The following ADGRG3 variants were observed in gnomAD, a reference collection of about 807,000 sequenced individuals.
ADGRG3 encodes the protein G protein-coupled receptor 97.
A neutral mutation model predicts 54.3 loss-of-function variants in ADGRG3; 39 were observed. The ratio of observed to expected loss-of-function variants is 0.72; its 90% confidence interval spans 0.56 to 0.94. The LOEUF is 0.94. Ranked by LOEUF, ADGRG3 falls within the 40% of genes least tolerant of loss-of-function variation. The pLI is 0.00. For missense variants in ADGRG3, 654 were observed against 694.6 expected (o/e 0.94, Z 0.66); for synonymous variants, 312 against 290.0 (o/e 1.08, Z -0.77).
At chr16:57,678,693 AC>A in intron 4 of ADGRG3, 1 of 332,152 alleles carries the variant, frequency 3.0e-6, no homozygotes. Flanking sequence ...GAGCAAGTGT[AC>A]CCATGCCCTT....
At chr16:57,672,932 G>A (rs927883819) in intron 1 of ADGRG3, among the ~76,000 whole-genome samples, 11 of 152,210 alleles carry the variant, frequency 7.2e-5, no homozygotes, top group African/African-American at 2.7e-4. Flanking sequence ...ATACATCCAA[G>A]AGTTTAACCA....
intron 11 of ADGRG3, 92 bp from the exon 12 acceptor site, chr16:57,688,260 G>C: frequency 2.5e-6 from 2 of 802,752 alleles, no homozygotes; most frequent in Non-Finnish European, 4.5e-6. Context: ...TGGTTACGGT[G>C]GGTCTCCTCC....
chr16:57,672,235 A>G (rs2048175775), intron 1 of ADGRG3, among the ~76,000 whole-genome samples: 2 of 151,800 alleles, frequency 1.3e-5, no homozygotes, highest in Admixed American at 1.3e-4. Context: ...AATTTAAAAA[A>G]CGATGTATCG....
chr16:57,678,249 C>T lies in ADGRG3; in HGVS notation c.425C>T (p.Pro142Leu), dbSNP rs1314951256. The change falls in exon 4 of 12, where the codon CCA (proline) becomes CTA (leucine). Residue 142 changes from proline to leucine, a missense_variant. By Grantham distance (98) the Pro-to-Leu change is moderately conservative. Coordinates refer to ENST00000333493, the MANE Select transcript of ADGRG3 (RefSeq NM_170776.5). ...RLPKSLFRSL[P>L]GNRSVVRLAV... Reference sequence around the variant, plus strand: ...CCCAAGAGCCTTTTTCGATCCCTGCCAGGCAACAGGTCTGTGGTCCGCTTG... The same window carrying T: ...CCCAAGAGCCTTTTTCGATCCCTGCTAGGCAACAGGTCTGTGGTCCGCTTG... The T allele has an allele frequency of 1.2e-6, 2 of 1,614,196 alleles. No individual in the cohort carries two copies. The highest frequency in any genetic ancestry group is 1.3e-5 in the African/African-American group (1 of 75,052).
At chr16:57,686,976 A>G (rs1422225251) in intron 11 of ADGRG3, among the ~76,000 whole-genome samples, 1 of 152,234 alleles carries the variant, frequency 6.6e-6, no homozygotes, top group Non-Finnish European at 1.5e-5. Context: ...GAGGCATCAC[A>G]GTCTGACTGT....
chr16:57,686,065 C>G, intron 11 of ADGRG3, 139 bp downstream of exon 11: 3 of 882,054 alleles, frequency 3.4e-6, no homozygotes, highest in Non-Finnish European at 5.3e-6. Context: ...TTCAAATACT[C>G]AGAGCAAGGA....
chr16:57,674,961 A>C, intron 2 of ADGRG3, among the ~76,000 whole-genome samples: 1 of 132,058 alleles, frequency 7.6e-6, no homozygotes, highest in African/African-American at 2.9e-5. Context: ...ACTCCACTGC[A>C]CTCCAGCCTG....
chr16:57,676,465 G>A, intron 3 of ADGRG3, 127 bp downstream of exon 3: 1 of 823,540 alleles, frequency 1.2e-6, no homozygotes, highest in Non-Finnish European at 1.9e-6. Flanking sequence ...GTCCCAATTG[G>A]CAGAGCTGCG....
chr16:57,677,274 T>C (rs564176593), intron 3 of ADGRG3, among the ~76,000 whole-genome samples: 1 of 152,186 alleles, frequency 6.6e-6, no homozygotes, highest in East Asian at 1.9e-4. Flanking sequence ...AACAGGGAGC[T>C]CAGAGAATGA....
At chr16:57,676,542 A>T (rs1054361628) in intron 3 of ADGRG3, among the ~76,000 whole-genome samples, 3 of 152,224 alleles carry the variant, frequency 2.0e-5, no homozygotes, top group Non-Finnish European at 4.4e-5. Flanking sequence ...CTGAGGGAAC[A>T]TATTTGAAAT....
At position 57,688,494 on chromosome 16, in the gene ADGRG3, T is replaced by G; in HGVS notation, c.*33T>G. On this transcript the variant is annotated 3_prime_UTR_variant, in exon 12 of 12. Coordinates refer to ENST00000333493, the MANE Select transcript of ADGRG3 (RefSeq NM_170776.5). ...CGGCCCTGCAATATGGACTCAGCTC[T>G]GGCTCTCTGTGTGACCTTGGGCAGC... 4 of 1,243,242 alleles carry G rather than the reference T, an allele frequency of 3.2e-6. No homozygotes were observed. Among genetic ancestry groups the G allele is most frequent in the Non-Finnish European group, 4.8e-6 (4 of 841,724 alleles). The allele number at this position is 1,243,242 out of a possible 1,614,324, so 77.0% of individuals were successfully genotyped here. A position where few individuals can be genotyped will look rare whatever the true frequency, so the allele number is the denominator to read the frequency against.
At chr16:57,678,960 C>A (rs905148395) in intron 4 of ADGRG3, 5 of 594,366 alleles carry the variant, frequency 8.4e-6, no homozygotes, top group Middle Eastern at 4.5e-4. Flanking sequence ...AGGTGCACAG[C>A]TTTGCAGCCA....
rs201320759 is a variant in ADGRG3, at chr16:57,684,397, C to T, written c.1170C>T (p.Pro390=). The part of the protein sequence containing the change: ...LKLSLVGWGL[P]ALMVIGTGSA... ...ATTTCCCCTTGTGCCCAGGCCTGCCCGCCCTGATGGTCATCGGCACTGGGA... is the reference window on the plus strand; with the variant it reads ...ATTTCCCCTTGTGCCCAGGCCTGCCTGCCCTGATGGTCATCGGCACTGGGA... The change falls in exon 10 of 12, where the codon CCC becomes CCT. Residue 390 remains proline (P), a synonymous_variant. Coordinates refer to ENST00000333493, the MANE Select transcript of ADGRG3 (RefSeq NM_170776.5). The T allele has an allele frequency of 4.7e-5, 76 of 1,613,262 alleles. No individual in the cohort carries two copies. Among genetic ancestry groups the T allele is most frequent in the East Asian group, 4.5e-5 (2 of 44,854 alleles).
At chr16:57,685,011 TG>T (rs1253109803) in intron 10 of ADGRG3, among the ~76,000 whole-genome samples, 2 of 152,176 alleles carry the variant, frequency 1.3e-5, no homozygotes, top group African/African-American at 2.4e-5. Context: ...ATCTGCACCA[TG>T]GGGGAACTGA....
chr16:57,668,293 G>A, upstream of ADGRG3: 1 of 1,460,712 alleles, frequency 6.8e-7, no homozygotes, highest in Non-Finnish European at 9.3e-7. Flanking sequence ...GCAGAGCCTG[G>A]GGCCAGAGGG....
chr16:57,684,300 A>G (rs1264826970), intron 9 of ADGRG3, 88 bp downstream of exon 9: 2 of 1,568,196 alleles, frequency 1.3e-6, no homozygotes, highest in East Asian at 4.5e-5. Context: ...AGGGGTTCCC[A>G]GAGCTGGAGG....
intron 10 of ADGRG3, among the ~76,000 whole-genome samples, 183 bp downstream of exon 10, chr16:57,684,666 G>C (rs945434375): frequency 2.0e-5 from 3 of 152,202 alleles, no homozygotes; most frequent in African/African-American, 7.2e-5. Flanking sequence ...TAGAGAGAGA[G>C]AGGGGAAGTG....
At chr16:57,681,746 AGAGAG>A (rs1241394878) in intron 8 of ADGRG3, among the ~76,000 whole-genome samples, 1 of 98,804 alleles carries the variant, frequency 1.0e-5, no homozygotes, top group African/African-American at 4.7e-5. Flanking sequence ...AAAAAAAAAA[AGAGAG>A]AGAGAGAGAG....
intron 8 of ADGRG3, chr16:57,682,773 A>G (rs1158081419): frequency 2.6e-6 from 1 of 380,958 alleles, no homozygotes; most frequent in Non-Finnish European, 3.6e-6. Flanking sequence ...CTGGACAGGG[A>G]GTCTGGAGCC....
Sources: gnomAD v4.1 joint callset for allele counts (sites outside exome capture counted in the v4.1 genomes callset) on GRCh38, gnomAD v4.1.1 for gene constraint, MANE v1.5 for transcripts, NCBI Gene and HGNC (gene_info 2026-07-23, HGNC 2026-07-21) for gene names.